ADGRG4: variants seen among roughly 807,000 people sequenced by gnomAD.
The protein encoded by ADGRG4 is G protein-coupled receptor 112.
In ADGRG4, 122 loss-of-function variants were observed where a neutral mutation model predicts 126.2. The observed-to-expected ratio is 0.97, with a 90% CI of 0.83 to 1.12. The LOEUF is 1.12. Ranked by LOEUF, ADGRG4 falls within the 50% of genes most tolerant of loss-of-function variation. ADGRG4 has a pLI of 0.00. For synonymous variants in ADGRG4, 943 were observed against 838.7 expected (o/e 1.12, Z -2.15); for missense variants, 2,481 against 2,251.8 (o/e 1.10, Z -2.06).
chrX:136,361,910 T>C (rs2075131239), intron 12 of ADGRG4, among the ~76,000 whole-genome samples: 1 of 112,101 alleles, frequency 8.9e-6, no homozygotes. Flanking sequence ...CCTTTCTCTG[T>C]ATGCCTTTAA....
At chrX:136,308,722 T>C in intron 3 of ADGRG4, 47 bp from the exon 4 acceptor site, 1 of 708,307 alleles carries the variant, frequency 1.4e-6, no homozygotes, top group Non-Finnish European at 2.3e-6. Context: ...AGAAATTGTA[T>C]TTTCTGAATA....
At chrX:136,374,901 A>C (rs2075216348) in intron 15 of ADGRG4, among the ~76,000 whole-genome samples, 1 of 110,805 alleles carries the variant, frequency 9.0e-6, no homozygotes. Context: ...TTATTGCAAT[A>C]GTTTTTGGGA....
rs761308517 is a variant in ADGRG4 at position 136,345,071 on chromosome X, A to G, written c.1365A>G (p.Ser455=). The G allele has an allele frequency of 6.6e-6, 8 of 1,208,700 alleles. No individual in the cohort carries two copies. Among genetic ancestry groups the G allele is most frequent in the Non-Finnish European group, 8.9e-6 (8 of 893,947 alleles). ...CTTGGTTTACAGTGGAAAAGACTTCACCTGCATCTACTCATGTTGGGACTG... is the reference window on the plus strand; with the variant it reads ...CTTGGTTTACAGTGGAAAAGACTTCGCCTGCATCTACTCATGTTGGGACTG... ...TVPWFTVEKT[S]PASTHVGTAS... Residue 455 remains serine (S), a synonymous_variant, in exon 6 of 26, where the codon TCA becomes TCG. Transcript: ENST00000394143.
rs780470750 is a variant in ADGRG4, at chrX:136,373,006, A to G, written c.7718A>G (p.His2573Arg). Residue 2573 changes from histidine (H) to arginine (R), a missense_variant, in exon 15 of 26, where the codon CAC becomes CGC. Coordinates refer to ENST00000394143, the MANE Select transcript of ADGRG4 (RefSeq NM_153834.4). Reference sequence around the variant, plus strand: ...GCTTTGGCTGTGCTGCGGGGGGACCACACGTTTGATGGCATGGCTTTCAGC... The same window carrying G: ...GCTTTGGCTGTGCTGCGGGGGGACCGCACGTTTGATGGCATGGCTTTCAGC... ...GLALAVLRGD[H>R]TFDGMAFSIH... The G allele has an allele frequency of 1.7e-6, 2 of 1,209,258 alleles. No individual in the cohort carries two copies. Among genetic ancestry groups the G allele is most frequent in the South Asian group, 1.8e-5 (1 of 56,698 alleles).
At chrX:136,401,910 C>G (rs2075381322) in intron 21 of ADGRG4, among the ~76,000 whole-genome samples, 1 of 111,566 alleles carries the variant, frequency 9.0e-6, no homozygotes, top group Non-Finnish European at 1.9e-5. Context: ...AGGAGATGGC[C>G]CCGGAGCACC....
At chrX:136,315,292 T>G (rs1007969997) in intron 4 of ADGRG4, among the ~76,000 whole-genome samples, 1 of 109,846 alleles carries the variant, frequency 9.1e-6, no homozygotes, top group Admixed American at 9.7e-5. Context: ...CAGACAGTCA[T>G]GGGGCTGCTA....
intron 15 of ADGRG4, among the ~76,000 whole-genome samples, chrX:136,385,233 T>C (rs1454089844): frequency 2.7e-5 from 3 of 111,451 alleles, no homozygotes; most frequent in Admixed American, 9.6e-5. Context: ...AATTGTACAG[T>C]TTTTAGAATT....
chrX:136,301,413 C>T (rs1424571508), intron 1 of ADGRG4, among the ~76,000 whole-genome samples: 1 of 111,842 alleles, frequency 8.9e-6, no homozygotes, highest in Non-Finnish European at 1.9e-5. Flanking sequence ...TCATGTCCTT[C>T]ACCCACTTTT....
At chrX:136,401,383 A>G (rs2075378561) in intron 21 of ADGRG4, among the ~76,000 whole-genome samples, 1 of 111,512 alleles carries the variant, frequency 9.0e-6, no homozygotes, top group African/African-American at 3.3e-5. Context: ...CTTCTCCCTC[A>G]TCATCACTCA....
chrX:136,345,592 C>T lies in ADGRG4; in HGVS notation c.1886C>T (p.Ser629Phe), dbSNP rs1168080185. 11 of 1,208,937 alleles carry T rather than the reference C, an allele frequency of 9.1e-6. No individual in the cohort carries two copies. Among genetic ancestry groups the T allele is most frequent in the Non-Finnish European group, 1.2e-5 (11 of 894,694 alleles). Residue 629 changes from serine (S) to phenylalanine (F), a missense_variant, in exon 6 of 26, where the codon TCC becomes TTC. Transcript: ENST00000394143. Reference sequence around the variant, plus strand: ...ACTTTGATGTCCACTAGATCAGCTTCCACATCCAAGGCACCTGAGTCAGGT... The same window carrying T: ...ACTTTGATGTCCACTAGATCAGCTTTCACATCCAAGGCACCTGAGTCAGGT... ...LLTLMSTRSA[S>F]TSKAPESGPT...
At chrX:136,304,324 TC>T (rs1345343874) in intron 2 of ADGRG4, 117 bp downstream of exon 2, 6 of 112,121 alleles carry the variant, frequency 5.4e-5, no homozygotes, top group Non-Finnish European at 9.4e-5. Flanking sequence ...ATAGTGTTTT[TC>T]TTTGAAAAAA....
rs1462536411 is a variant in ADGRG4 at position 136,346,089 on chromosome X, A to C, written c.2383A>C (p.Ile795Leu). ...AGATATAATATCTACTCTTGCTTGCATTCAACCAAATTTTTCTACTGAGGA... is the reference window on the plus strand; with the variant it reads ...AGATATAATATCTACTCTTGCTTGCCTTCAACCAAATTTTTCTACTGAGGA... ...SVDIISTLAC[I>L]QPNFSTEESA... The change falls in exon 6 of 26, where the codon ATT becomes CTT. Residue 795 changes from isoleucine (I) to leucine (L), a missense_variant. By Grantham distance (5) the Ile-to-Leu change is conservative. Coordinates refer to ENST00000394143, the MANE Select transcript of ADGRG4 (RefSeq NM_153834.4). The C allele has an allele frequency of 1.7e-6, 2 of 1,210,306 alleles. No homozygotes were observed. The highest frequency in any genetic ancestry group is 2.2e-6 in the Non-Finnish European group (2 of 894,482).
At chrX:136,355,194 C>A (rs1322206194) in intron 8 of ADGRG4, among the ~76,000 whole-genome samples, 1 of 105,662 alleles carries the variant, frequency 9.5e-6, no homozygotes, top group African/African-American at 3.5e-5. Context: ...GAGTTATGAG[C>A]CAAGAACTGT....
chrX:136,360,425 GC>G (rs1465972443), intron 11 of ADGRG4, among the ~76,000 whole-genome samples: 3 of 111,117 alleles, frequency 2.7e-5, no homozygotes, highest in Non-Finnish European at 5.7e-5. Flanking sequence ...GTGGAAGTTT[GC>G]CCTGTCCCTC....
intron 10 of ADGRG4, among the ~76,000 whole-genome samples, chrX:136,358,817 TATC>T (rs1376663727): frequency 8.9e-6 from 1 of 112,255 alleles, no homozygotes; most frequent in Non-Finnish European, 1.9e-5. Context: ...TCATTATCAT[TATC>T]ATCATTATTA....
intron 4 of ADGRG4, among the ~76,000 whole-genome samples, chrX:136,317,332 C>G (rs1345446322): frequency 9.2e-6 from 1 of 108,234 alleles, no homozygotes; most frequent in East Asian, 2.9e-4. Context: ...AACCCCGTCT[C>G]TACTAAAAAT....
At chrX:136,335,809 A>G (rs1300790800) in intron 5 of ADGRG4, among the ~76,000 whole-genome samples, 4 of 111,389 alleles carry the variant, frequency 3.6e-5, no homozygotes, top group African/African-American at 1.3e-4. Flanking sequence ...GACTTAAAAA[A>G]TCATATTTGC....
In ADGRG4 at chrX:136,387,773, T is replaced by C; in HGVS notation, c.7810T>C (p.Leu2604=). The part of the protein sequence containing the change: ...FLGNVPVGGI[L]ASIYLPKSLT... The stretch of plus-strand genomic sequence containing the variant: ...AGGCAATGTCCCTGTGGGAGGGATT[T>C]TGGCTTCCATATATTTGCCTAAATC... The change falls in exon 16 of 26, where the codon TTG becomes CTG. Residue 2604 remains leucine (L), a synonymous_variant. Transcript: ENST00000394143. The C allele has an allele frequency of 8.3e-7, 1 of 1,208,501 alleles. No individual in the cohort carries two copies.
chrX:136,357,647 TCA>T, intron 9 of ADGRG4, 55 bp from the exon 10 acceptor site: 1 of 813,964 alleles, frequency 1.2e-6, no homozygotes, highest in Non-Finnish European at 1.8e-6. Context: ...AGCCCTGTAC[TCA>T]GTTATGACAT....
Sources: gnomAD v4.1 joint callset for allele counts (sites outside exome capture counted in the v4.1 genomes callset) on GRCh38, gnomAD v4.1.1 for gene constraint, MANE v1.5 for transcripts, NCBI Gene and HGNC (gene_info 2026-07-23, HGNC 2026-07-21) for gene names.